The following IRF2 variants were observed in gnomAD, a reference collection of about 807,000 sequenced individuals.
The protein encoded by IRF2 is interferon regulatory factor 2.
A neutral mutation model predicts 40.6 loss-of-function variants in IRF2; 15 were observed. The ratio of observed to expected loss-of-function variants is 0.37; its 90% CI spans 0.25 to 0.57. IRF2 has a LOEUF of 0.57. Among genes scored for constraint, IRF2 ranks in the 20% least tolerant of loss-of-function variants. The pLI is 0.77. For synonymous variants in IRF2, 151 were observed against 165.5 expected (o/e 0.91, Z 0.67); for missense variants, 317 against 455.7 (o/e 0.70, Z 2.77).
At chr4:184,407,405 G>A (rs1431060077) in intron 6 of IRF2, 4 of 381,254 alleles carry the variant, frequency 1.0e-5, no homozygotes, top group Non-Finnish European at 1.9e-5. Flanking sequence ...AGGAACATCA[G>A]AAGATGTGTC....
At position 184,388,518 on chromosome 4, in the gene IRF2, T is replaced by G; in HGVS notation, c.*240A>C. The G allele has an allele frequency of 2.0e-6, 1 of 500,692 alleles. No individual in the cohort carries two copies. Among genetic ancestry groups the G allele is most frequent in the Non-Finnish European group, 3.5e-6 (1 of 286,970 alleles). 31.0% of individuals were successfully genotyped at this position (500,692 alleles called of 1,614,324 possible). A position where few individuals can be genotyped will look rare whatever the true frequency, so the allele number is the denominator to read the frequency against. Reference sequence around the variant, plus strand: ...CACTGCCCTTGTTGGTCCTTGAACTTGAGTGAGTAGCCCTGGGAGATCCAG... The same window carrying G: ...CACTGCCCTTGTTGGTCCTTGAACTGGAGTGAGTAGCCCTGGGAGATCCAG... On this transcript the variant is annotated 3_prime_UTR_variant, in exon 9 of 9. Transcript: ENST00000393593. The surrounding 1 kb of genome is among the most constrained non-coding windows in gnomAD (Gnocchi z 4.6).
intron 1 of IRF2, among the ~76,000 whole-genome samples, chr4:184,467,904 T>C (rs1739384188): frequency 1.3e-5 from 2 of 152,236 alleles, no homozygotes; most frequent in South Asian, 2.1e-4. Flanking sequence ...CAGGCTTTTA[T>C]CACACAAAAT....
chr4:184,393,418 C>T (rs1736328822), intron 7 of IRF2, among the ~76,000 whole-genome samples: 1 of 152,174 alleles, frequency 6.6e-6, no homozygotes, highest in Admixed American at 6.5e-5. Flanking sequence ...TTCCTTTCCC[C>T]TCCAAATACA....
chr4:184,405,569 G>A (rs1736824607), intron 6 of IRF2, among the ~76,000 whole-genome samples: 1 of 152,176 alleles, frequency 6.6e-6, no homozygotes, highest in African/African-American at 2.4e-5. Context: ...GGGGAACTCA[G>A]CTCCTTCTCT....
chr4:184,399,166 G>A (rs1736578629), intron 6 of IRF2, 87 bp from the exon 7 acceptor site: 2 of 1,353,132 alleles, frequency 1.5e-6, no homozygotes, highest in South Asian at 2.9e-5. Flanking sequence ...CCCCAAAAGA[G>A]CCAGGTCGCC....
intron 5 of IRF2, among the ~76,000 whole-genome samples, chr4:184,412,005 TAAAAAAAAAAA>T (rs35183333): frequency 0.074 from 7,085 of 95,384 alleles, 287 homozygotes; most frequent in South Asian, 0.093. Context: ...CTCCAAAGAT[TAAAAAAAAAAA>T]AAAAAAAAAA....
intron 5 of IRF2, among the ~76,000 whole-genome samples, chr4:184,416,948 A>G (rs1737300475): frequency 6.6e-6 from 1 of 152,162 alleles, no homozygotes; most frequent in African/African-American, 2.4e-5. Flanking sequence ...CGGGAGGTTG[A>G]GGCAGGAGAA....
rs935508601 is a variant in IRF2, at chr4:184,388,112, G to T, written c.*646C>A. 1 of 152,404 alleles carries T rather than the reference G, an allele frequency of 6.6e-6. No homozygotes were observed. The highest frequency in any genetic ancestry group is 2.4e-5 in the African/African-American group (1 of 41,416). 9.4% of individuals were successfully genotyped at this position (152,404 alleles called of 1,614,324 possible). On this transcript the variant is annotated 3_prime_UTR_variant, in exon 9 of 9. Coordinates refer to ENST00000393593, the MANE Select transcript of IRF2 (RefSeq NM_002199.4). This position sits in a 1 kb window ranked among gnomAD's most constrained non-coding sequence, Gnocchi z 4.6. ...GATTAGAAGGATTTTTTTTAAAGCA[G>T]TCTGAAAATGGGACATCTGTAGAGA...
chr4:184,437,282 T>G (rs1738116630), intron 1 of IRF2, among the ~76,000 whole-genome samples: 1 of 152,216 alleles, frequency 6.6e-6, no homozygotes, highest in Admixed American at 6.5e-5. Flanking sequence ...GGTCTTGAAC[T>G]CTTGACCTGA....
chr4:184,445,986 A>G (rs1738494574), intron 1 of IRF2, among the ~76,000 whole-genome samples: 2 of 152,212 alleles, frequency 1.3e-5, no homozygotes, highest in African/African-American at 4.8e-5. Context: ...AAACTTGGAC[A>G]CAGACACACA....
chr4:184,399,484 G>A (rs1342048534), intron 6 of IRF2, among the ~76,000 whole-genome samples: 1 of 152,236 alleles, frequency 6.6e-6, no homozygotes, highest in Non-Finnish European at 1.5e-5. Flanking sequence ...AAAAGAAGGC[G>A]CTGTGCTTAT....
intron 1 of IRF2, among the ~76,000 whole-genome samples, chr4:184,453,199 C>T (rs1738790099): frequency 6.6e-6 from 1 of 152,174 alleles, no homozygotes; most frequent in South Asian, 2.1e-4. Flanking sequence ...TTTACTCCAT[C>T]ATTTTTTTAA....
At chr4:184,473,228 G>A (rs1739583449) in intron 1 of IRF2, among the ~76,000 whole-genome samples, 1 of 150,806 alleles carries the variant, frequency 6.6e-6, no homozygotes, top group Non-Finnish European at 1.5e-5. Flanking sequence ...AGGGCACGGG[G>A]CGGGCACTCG....
intron 2 of IRF2, among the ~76,000 whole-genome samples, chr4:184,427,709 G>A (rs1271190695): frequency 6.6e-6 from 1 of 152,030 alleles, no homozygotes; most frequent in African/African-American, 2.4e-5. Flanking sequence ...AATAAGATTT[G>A]AAAGATATCT....
At chr4:184,452,849 A>G (rs1206792845) in intron 1 of IRF2, among the ~76,000 whole-genome samples, 1 of 151,850 alleles carries the variant, frequency 6.6e-6, no homozygotes, top group Non-Finnish European at 1.5e-5. Context: ...ATAAACATGT[A>G]AAATATCTAG....
intron 1 of IRF2, among the ~76,000 whole-genome samples, chr4:184,432,746 G>A (rs1407927351): frequency 6.6e-6 from 1 of 152,224 alleles, no homozygotes; most frequent in Non-Finnish European, 1.5e-5. Flanking sequence ...GACACAGAGG[G>A]AGGATGGGCA....
intron 1 of IRF2, among the ~76,000 whole-genome samples, chr4:184,439,563 A>G (rs188245805): frequency 6.6e-5 from 10 of 152,318 alleles, no homozygotes; most frequent in Admixed American, 6.5e-4. Context: ...AGATTTCATC[A>G]TTAATGGAAT....
At chr4:184,406,701 A>G (rs1736869220) in intron 6 of IRF2, among the ~76,000 whole-genome samples, 1 of 152,152 alleles carries the variant, frequency 6.6e-6, no homozygotes, top group Non-Finnish European at 1.5e-5. Context: ...GAGTCTGCCA[A>G]CCTTGAGTTC....
chr4:184,422,638 G>A (rs191458441), intron 2 of IRF2, among the ~76,000 whole-genome samples: 1 of 152,290 alleles, frequency 6.6e-6, no homozygotes, highest in East Asian at 1.9e-4. Flanking sequence ...CCATGTGGAC[G>A]AACCTTGAAA....
Sources: gnomAD v4.1 joint callset for allele counts (sites outside exome capture counted in the v4.1 genomes callset) on GRCh38, gnomAD v4.1.1 for gene constraint, Gnocchi (gnomAD v3.1) non-coding constraint, MANE v1.5 for transcripts, NCBI Gene and HGNC (gene_info 2026-07-23, HGNC 2026-07-21) for gene names.